The following XCR1 variants were observed in gnomAD, a reference collection of about 807,000 sequenced individuals.
XCR1 encodes X-C motif chemokine receptor 1, also known as chemokine XC receptor 1.
For missense variants in XCR1, 356 were observed against 424.2 expected (o/e 0.84, Z 1.41); for synonymous variants, 187 against 188.5 (o/e 0.99, Z 0.06).
chr3:46,044,463 A>G (rs1223931599), intron 5 of XCR1, among the ~76,000 whole-genome samples: 1 of 152,172 alleles, frequency 6.6e-6, no homozygotes, highest in Non-Finnish European at 1.5e-5. Flanking sequence ...TTTTTTTAAT[A>G]TACTCTGGTA....
intron 5 of XCR1, among the ~76,000 whole-genome samples, chr3:46,049,681 T>G (rs189146216): frequency 6.6e-6 from 1 of 152,320 alleles, no homozygotes; most frequent in African/African-American, 2.4e-5. Flanking sequence ...CATTATTGTT[T>G]GAGTATGTTT....
At chr3:46,060,893 C>G (rs550599350) in intron 4 of XCR1, among the ~76,000 whole-genome samples, 5 of 152,262 alleles carry the variant, frequency 3.3e-5, no homozygotes, top group African/African-American at 1.2e-4. Context: ...AAGCCTGCTG[C>G]TTCAGGATGA....
At chr3:46,025,507 T>C (rs1012082221) in intron 1 of XCR1, among the ~76,000 whole-genome samples, 1 of 152,214 alleles carries the variant, frequency 6.6e-6, no homozygotes, top group Non-Finnish European at 1.5e-5. Flanking sequence ...ACAGATCTTA[T>C]AGACTTTACA....
intron 4 of XCR1, among the ~76,000 whole-genome samples, chr3:46,058,771 C>G (rs1397808871): frequency 6.6e-6 from 1 of 152,086 alleles, no homozygotes; most frequent in Non-Finnish European, 1.5e-5. Flanking sequence ...TACCATGTTG[C>G]CTAGGCTGGT....
intron 4 of XCR1, among the ~76,000 whole-genome samples, chr3:46,065,929 G>T (rs548494754): frequency 6.6e-6 from 1 of 152,320 alleles, no homozygotes; most frequent in South Asian, 2.1e-4. Flanking sequence ...AAGAGGCCAC[G>T]TAGGGATGTC....
intron 1 of XCR1, among the ~76,000 whole-genome samples, chr3:46,077,328 C>T (rs1310327777): frequency 6.6e-6 from 1 of 151,982 alleles, no homozygotes; most frequent in Non-Finnish European, 1.5e-5. Flanking sequence ...GAAGTGCAAA[C>T]CCTATTGTGA....
chr3:46,054,400 C>T (rs1697812705), intron 4 of XCR1, among the ~76,000 whole-genome samples: 1 of 152,120 alleles, frequency 6.6e-6, no homozygotes, highest in African/African-American at 2.4e-5. Context: ...TCATGATAAA[C>T]AGTTTGTTGT....
At chr3:46,058,601 G>T (rs1697897809) in intron 4 of XCR1, among the ~76,000 whole-genome samples, 1 of 152,190 alleles carries the variant, frequency 6.6e-6, no homozygotes, top group Admixed American at 6.5e-5. Context: ...GGGCTGGAGT[G>T]CAGTGGTGAG....
chr3:46,059,845 A>G (rs1697928200), intron 4 of XCR1, among the ~76,000 whole-genome samples: 1 of 152,248 alleles, frequency 6.6e-6, no homozygotes, highest in South Asian at 2.1e-4. Flanking sequence ...TTATATCTAT[A>G]TCTATCTTTA....
At chr3:46,044,686 A>G (rs1232901680) in intron 5 of XCR1, among the ~76,000 whole-genome samples, 2 of 152,208 alleles carry the variant, frequency 1.3e-5, no homozygotes, top group African/African-American at 2.4e-5. Flanking sequence ...TACTAATCCC[A>G]TGGATATTAG....
intron 2 of XCR1, among the ~76,000 whole-genome samples, chr3:46,076,546 T>A (rs544263793): frequency 2.0e-5 from 3 of 148,758 alleles, no homozygotes; most frequent in Admixed American, 6.7e-5. Flanking sequence ...TGCCATTTTG[T>A]AGAAGCTTAA....
chr3:46,033,419 C>A (rs1697343628), intron 5 of XCR1, among the ~76,000 whole-genome samples: 1 of 152,156 alleles, frequency 6.6e-6, no homozygotes, highest in African/African-American at 2.4e-5. Context: ...ATTGTTCTAG[C>A]ACCACTTGTT....
At chr3:46,057,660 C>A (rs1697875841) in intron 4 of XCR1, among the ~76,000 whole-genome samples, 1 of 152,060 alleles carries the variant, frequency 6.6e-6, no homozygotes. Context: ...CTCTAGGAGG[C>A]CCGATTCCTC....
intron 5 of XCR1, among the ~76,000 whole-genome samples, chr3:46,045,971 T>C (rs1363607678): frequency 6.6e-6 from 1 of 152,208 alleles, no homozygotes; most frequent in East Asian, 1.9e-4. Flanking sequence ...AATCTAAGTG[T>C]CCATCAACAG....
chr3:46,062,927 T>A (rs1482311004), intron 4 of XCR1, among the ~76,000 whole-genome samples: 2 of 152,342 alleles, frequency 1.3e-5, no homozygotes, highest in East Asian at 3.9e-4. Flanking sequence ...TTGTGTTCTA[T>A]TTTTAGGAAA....
chr3:46,021,742 A>G lies in XCR1; in HGVS notation c.206T>C (p.Phe69Ser). Residue 69 changes from phenylalanine (F) to serine (S), a missense_variant, in exon 2 of 2, where the codon TTC becomes TCC. Coordinates refer to ENST00000309285, the MANE Select transcript of XCR1 (RefSeq NM_001024644.2). This position sits in a 1 kb window ranked among gnomAD's most constrained non-coding sequence, Gnocchi z 4.7. ...YESLESLTNI[F>S]ILNLCLSDLV... ...GTCTGAGAGGCACAGGTTGAGGATGAAGATGTTGGTGAGGGACTCCAGGCT... is the reference window on the plus strand; with the variant it reads ...GTCTGAGAGGCACAGGTTGAGGATGGAGATGTTGGTGAGGGACTCCAGGCT... The G allele has an allele frequency of 1.2e-6, 2 of 1,614,050 alleles. No homozygotes were observed. Among genetic ancestry groups the G allele is most frequent in the East Asian group, 2.2e-5 (1 of 44,870 alleles).
chr3:46,021,538 G>T lies in XCR1; in HGVS notation c.410C>A (p.Thr137Asn), dbSNP rs1306815860. The change falls in exon 2 of 2, where the codon ACC (threonine) becomes AAC (asparagine). Residue 137 changes from threonine to asparagine, a missense_variant. Coordinates refer to ENST00000309285, the MANE Select transcript of XCR1 (RefSeq NM_001024644.2). The surrounding 1 kb of genome is among the most constrained non-coding windows in gnomAD (Gnocchi z 4.7). The stretch of plus-strand genomic sequence containing the variant: ...GCAGCGGAGGGTGGGGACGCGCAGG[G>T]TGGAGAGGGGGCTCACTACCGACAG... ...RYLSVVSPLS[T>N]LRVPTLRCRV... The T allele has an allele frequency of 4.3e-6, 7 of 1,611,042 alleles. No individual in the cohort carries two copies. Among genetic ancestry groups the T allele is most frequent in the Non-Finnish European group, 5.9e-6 (7 of 1,178,498 alleles).
Position 46,020,581 on chromosome 3 carries a change from C to T in XCR1, c.*365G>A. On this transcript the variant is annotated 3_prime_UTR_variant, in exon 2 of 2. Transcript: ENST00000309285. ...AGCATCGTGCAGTTATCACAATGAGCTTTAGGCCCTGTAAAGTCTCCAAGG... is the reference window on the plus strand; with the variant it reads ...AGCATCGTGCAGTTATCACAATGAGTTTTAGGCCCTGTAAAGTCTCCAAGG... 3.9e-6 allele frequency: 1 copy of T among 259,622 alleles called. No homozygotes were observed. Among genetic ancestry groups the T allele is most frequent in the Non-Finnish European group, 7.4e-6 (1 of 134,596 alleles). The allele number at this position is 259,622 out of a possible 1,614,324, so 16.1% of individuals were successfully genotyped here.
chr3:46,076,579 A>G (rs1026843394), intron 2 of XCR1, among the ~76,000 whole-genome samples: 14 of 69,704 alleles, frequency 2.0e-4, no homozygotes, highest in African/African-American at 4.4e-4. Context: ...ATTATTTTGA[A>G]AAAAAAAAAA....
Sources: gnomAD v4.1 joint callset for allele counts (sites outside exome capture counted in the v4.1 genomes callset) on GRCh38, gnomAD v4.1.1 for gene constraint, Gnocchi (gnomAD v3.1) non-coding constraint, MANE v1.5 for transcripts, NCBI Gene and HGNC (gene_info 2026-07-23, HGNC 2026-07-21) for gene names.